Variants in ZAR1L observed in about 807,000 individuals in gnomAD.
The protein encoded by ZAR1L is protein ZAR1-like.
A neutral mutation model predicts 30.0 loss-of-function variants in ZAR1L; 16 were observed. That is an observed-to-expected ratio of 0.53 (90% confidence interval 0.36 to 0.81). The LOEUF (loss-of-function observed/expected upper bound fraction) is 0.81, where lower values mean the gene tolerates loss of function less well. Among genes scored for constraint, ZAR1L ranks in the 30% least tolerant of loss-of-function variants. The probability of loss-of-function intolerance (pLI) is 0.00; values close to 1 mark genes in which losing one functional copy is unlikely to be tolerated. For missense variants in ZAR1L, 392 were observed against 417.2 expected (o/e 0.94, Z 0.53); for synonymous variants, 197 against 166.8 (o/e 1.18, Z -1.40).
At chr13:32,307,024 G>A (rs1408629641) in intron 5 of ZAR1L, among the ~76,000 whole-genome samples, 1 of 150,456 alleles carries the variant, frequency 6.6e-6, no homozygotes, top group Non-Finnish European at 1.5e-5. Flanking sequence ...TCAAGTCAAA[G>A]GAAAGTGGCC....
At chr13:32,307,493 T>C (rs1301780828) in intron 5 of ZAR1L, among the ~76,000 whole-genome samples, 1 of 96,266 alleles carries the variant, frequency 1.0e-5, no homozygotes, top group Non-Finnish European at 1.9e-5. Context: ...AGCAAGAGTC[T>C]GTCTCAAAAA....
At chr13:32,312,949 A>AT (rs1216392972) in intron 2 of ZAR1L, among the ~76,000 whole-genome samples, 2 of 152,226 alleles carry the variant, frequency 1.3e-5, no homozygotes, top group African/African-American at 4.8e-5. Flanking sequence ...ACTGGGGAAC[A>AT]TTATGCTAAG....
chr13:32,305,398 T>C (rs1266806095), intron 5 of ZAR1L, among the ~76,000 whole-genome samples: 4 of 151,912 alleles, frequency 2.6e-5, no homozygotes, highest in Admixed American at 2.6e-4. Context: ...GGCTAATTTT[T>C]TGTATTTTTA....
chr13:32,304,289 T>C (rs942444077), intron 5 of ZAR1L, among the ~76,000 whole-genome samples: 1 of 151,904 alleles, frequency 6.6e-6, no homozygotes, highest in Non-Finnish European at 1.5e-5. Context: ...AATTTAAGAG[T>C]TTTGTAGAAT....
chr13:32,314,264 C>T (rs548903909), intron 2 of ZAR1L, 66 bp downstream of exon 2: 2 of 152,174 alleles, frequency 1.3e-5, no homozygotes, highest in Non-Finnish European at 1.5e-5. Context: ...GTAAGGCCTC[C>T]TTCTACAACT....
intron 5 of ZAR1L, among the ~76,000 whole-genome samples, chr13:32,304,232 T>C (rs2072158411): frequency 6.6e-6 from 1 of 152,194 alleles, no homozygotes; most frequent in Admixed American, 6.5e-5. Flanking sequence ...ACAGAAGATA[T>C]TCAAGAGAAT....
intron 5 of ZAR1L, among the ~76,000 whole-genome samples, chr13:32,305,470 C>T (rs998359435): frequency 6.6e-6 from 1 of 151,530 alleles, no homozygotes; most frequent in Admixed American, 6.6e-5. Flanking sequence ...TCGTGATCCA[C>T]CCGCCTCGGC....
chr13:32,304,293 G>A (rs116280368), intron 5 of ZAR1L, among the ~76,000 whole-genome samples: 1,660 of 152,286 alleles, frequency 0.011, 33 homozygotes, highest in African/African-American at 0.038. Flanking sequence ...TAAGAGTTTT[G>A]TAGAATTTCT....
chr13:32,307,367 C>G (rs1320855704), intron 5 of ZAR1L, among the ~76,000 whole-genome samples: 1 of 151,582 alleles, frequency 6.6e-6, no homozygotes, highest in Admixed American at 6.6e-5. Flanking sequence ...GGCATGGTAG[C>G]AGGCGCCTGT....
chr13:32,305,769 T>G (rs1200679668), intron 5 of ZAR1L, among the ~76,000 whole-genome samples: 1 of 152,232 alleles, frequency 6.6e-6, no homozygotes, highest in East Asian at 1.9e-4. Context: ...TTTGGATCAC[T>G]GAGAAATTAT....
At position 32,306,619 on chromosome 13, in the gene ZAR1L, A is replaced by T. The variant is rs950503820; in HGVS notation, c.822+2067T>A. ...CAACCTAGAAATTCTATATATACCCAGCGAAAATATCTCTTAAAAAGATAT... is the reference window on the plus strand; with the variant it reads ...CAACCTAGAAATTCTATATATACCCTGCGAAAATATCTCTTAAAAAGATAT... On this transcript the variant is annotated intron_variant, in intron 5 of 5. Transcript: ENST00000533490. Among the ~76,000 whole-genome samples the T allele has an allele frequency of 2.6e-5, 4 of 152,216 alleles. No individual in the cohort carries two copies. In the South Asian group the frequency reaches 8.3e-4, roughly 32 times the overall value.
In ZAR1L at chr13:32,310,739, TAAA is replaced by T; in HGVS notation, c.655-11_655-9del. 2 of 1,538,112 alleles carry T rather than the reference TAAA, an allele frequency of 1.3e-6. No homozygotes were observed. The highest frequency in any genetic ancestry group is 1.8e-6 in the Non-Finnish European group (2 of 1,135,036). ...ATATTTTGGTTCCAAAAACTGAAAATAAAGAAGAAAAGTACTTTACCATCATGC... is the reference window on the plus strand; with the variant it reads ...ATATTTTGGTTCCAAAAACTGAAAATGAAGAAAAGTACTTTACCATCATGC... On this transcript the variant is annotated splice_polypyrimidine_tract_variant and intron_variant, in intron 3 of 5. Coordinates refer to ENST00000533490, the MANE Select transcript of ZAR1L (RefSeq NM_001136571.2).
rs1043956662 is a variant in ZAR1L, at chr13:32,309,808, A to G, written c.747+831T>C. ...AAACTCATTTTTCTTCTGGCAAGAG[A>G]AGGAAGTAAATTCAACTTCAACTTT... On this transcript the variant is annotated intron_variant, in intron 4 of 5. Transcript: ENST00000533490. Among the ~76,000 whole-genome samples, 8 of 152,330 alleles carry G rather than the reference A, an allele frequency of 5.3e-5. No homozygotes were observed. In the South Asian group the frequency reaches 1.7e-3, roughly 32 times the overall value.
intron 5 of ZAR1L, among the ~76,000 whole-genome samples, chr13:32,307,117 T>C (rs1014075424): frequency 1.4e-4 from 21 of 152,002 alleles, no homozygotes; most frequent in African/African-American, 5.1e-4. Context: ...AATAATCTTA[T>C]AAAATTTTAA....
chr13:32,307,553 C>T (rs1316051547), intron 5 of ZAR1L, among the ~76,000 whole-genome samples: 1 of 108,154 alleles, frequency 9.2e-6, no homozygotes, highest in African/African-American at 3.7e-5. Flanking sequence ...TAGACTTTGA[C>T]AAGTCAGACA....
At chr13:32,308,952 TC>T (rs1340164761) in intron 4 of ZAR1L, among the ~76,000 whole-genome samples, 192 bp from the exon 5 acceptor site, 2 of 151,982 alleles carry the variant, frequency 1.3e-5, no homozygotes, top group Admixed American at 6.6e-5. Context: ...AATCACTTTT[TC>T]TTTGAATCTA....
At chr13:32,308,249 A>C (rs190972709) in intron 5 of ZAR1L, among the ~76,000 whole-genome samples, 85 of 152,374 alleles carry the variant, frequency 5.6e-4, no homozygotes, top group African/African-American at 1.8e-3. Flanking sequence ...ATCCAGTCAG[A>C]GCTCTAATAC....
At position 32,303,808 on chromosome 13, in the gene ZAR1L, G is replaced by A; in HGVS notation, c.*71C>T. ...TCCGATGCCAGGTCAGAGCCAAGTT[G>A]CAAAAAAGGAAGACAGCACAGTAAG... On this transcript the variant is annotated 3_prime_UTR_variant, in exon 6 of 6. Coordinates refer to ENST00000533490, the MANE Select transcript of ZAR1L (RefSeq NM_001136571.2). 1.4e-6 allele frequency: 2 copies of A among 1,469,002 alleles called. No individual in the cohort carries two copies. Among genetic ancestry groups the A allele is most frequent in the Non-Finnish European group, 1.8e-6 (2 of 1,100,258 alleles). The allele number at this position is 1,469,002 out of a possible 1,614,324, so 91.0% of individuals were successfully genotyped here.
intron 4 of ZAR1L, among the ~76,000 whole-genome samples, chr13:32,308,991 C>CGTTTTTTTTTTTTTTTTTTTT (rs1284562378): frequency 8.0e-6 from 1 of 124,426 alleles, no homozygotes. Context: ...AATTGGAATA[C>CGTTTTTTTTTTTTTTTTTTTT]ATTTTTTTTT....
Sources: gnomAD v4.1 joint callset for allele counts (sites outside exome capture counted in the v4.1 genomes callset) on GRCh38, gnomAD v4.1.1 for gene constraint, MANE v1.5 for transcripts, NCBI Gene and HGNC (gene_info 2026-07-23, HGNC 2026-07-21) for gene names.